Variants in DNAH9 observed in about 807,000 individuals in gnomAD.
DNAH9 encodes the protein DNAH9 variant protein.
Under a neutral mutation model 471.6 loss-of-function variants are expected in DNAH9, and 345 were observed. The observed-to-expected ratio is 0.73, with a 90% CI of 0.67 to 0.80. DNAH9 has a LOEUF of 0.80. Among genes scored for constraint, DNAH9 ranks in the 30% least tolerant of loss-of-function variants. The pLI is 0.00. For missense variants in DNAH9, 5,407 were observed against 5,609.2 expected, an observed-to-expected ratio of 0.96 and a Z score of 1.15; for synonymous variants, 2,093 against 2,123.6, an observed-to-expected ratio of 0.99 and a Z score of 0.40.
At chr17:11,891,685 G>T in intron 57 of DNAH9, 92 bp from the exon 58 acceptor site, 1 of 1,455,172 alleles carries the variant, frequency 6.9e-7, no homozygotes, top group East Asian at 2.3e-5. Context: ...ATTTCTATGG[G>T]CTGGAAAACT....
intron 43 of DNAH9, among the ~76,000 whole-genome samples, chr17:11,805,055 A>G (rs1969616320): frequency 6.7e-6 from 1 of 149,202 alleles, no homozygotes; most frequent in Admixed American, 6.7e-5. Flanking sequence ...CTCTGTCTCA[A>G]AAAAAAAAAA....
intron 49 of DNAH9, among the ~76,000 whole-genome samples, chr17:11,835,702 C>T (rs1970827999): frequency 6.6e-6 from 1 of 152,172 alleles, no homozygotes; most frequent in Non-Finnish European, 1.5e-5. Flanking sequence ...TTTGGAGATC[C>T]TCTGCCAGTC....
rs1287689311 is a variant in DNAH9, at chr17:11,605,816, A to G, written c.418-2313A>G. 4.6e-5 allele frequency among the ~76,000 whole-genome samples: 7 copies of G among 151,936 alleles called. No individual in the cohort carries two copies. The East Asian group carries it at 1.2e-3, about 25-fold the overall frequency. On this transcript the variant is annotated intron_variant, in intron 1 of 68. Coordinates refer to ENST00000262442, the MANE Select transcript of DNAH9 (RefSeq NM_001372.4). ...CGCACCTGGCTATGAGTTGCTTTTC[A>G]CTTCATAGAGAGTTCACATTCGTTA...
At chr17:11,874,377 C>T (rs866688748) in intron 52 of DNAH9, among the ~76,000 whole-genome samples, 14 of 152,266 alleles carry the variant, frequency 9.2e-5, no homozygotes, top group South Asian at 2.1e-4. Context: ...GATAAATACT[C>T]GGCAGCTTCC....
Position 11,744,979 on chromosome 17 carries a change from T to G in DNAH9, c.6294T>G (p.Phe2098Leu). Residue 2098 changes from phenylalanine (F) to leucine (L), a missense_variant, in exon 31 of 69, where the codon TTT becomes TTG. Phe to Leu is a conservative substitution (Grantham distance 22). This residue lies in a region of DNAH9 where 4,636 missense variants were observed against 4,900.3 expected (regional missense o/e 0.95). Coordinates refer to ENST00000262442, the MANE Select transcript of DNAH9 (RefSeq NM_001372.4). ...TCATGGGCCTGATCGGGGACCTCTTTCCCGCCCTGGATGTCCCCCGGAGGA... is the reference window on the plus strand; with the variant it reads ...TCATGGGCCTGATCGGGGACCTCTTGCCCGCCCTGGATGTCCCCCGGAGGA... ...PIFMGLIGDL[F>L]PALDVPRRRD... 2 of 1,614,108 alleles carry G rather than the reference T, an allele frequency of 1.2e-6. No homozygotes were observed. The highest frequency in any genetic ancestry group is 1.7e-6 in the Non-Finnish European group (2 of 1,179,986).
rs192115247 is a variant in DNAH9, at chr17:11,604,290, G to A, written c.418-3839G>A. On this transcript the variant is annotated intron_variant, in intron 1 of 68. Coordinates refer to ENST00000262442, the MANE Select transcript of DNAH9 (RefSeq NM_001372.4). ...GCCCACCTTGGCTTCACAAAGTGTTGGGATTACAGGTGTGAGCCGCCGCGC... is the reference window on the plus strand; with the variant it reads ...GCCCACCTTGGCTTCACAAAGTGTTAGGATTACAGGTGTGAGCCGCCGCGC... Among the ~76,000 whole-genome samples, 4 of 152,156 alleles carry A rather than the reference G, an allele frequency of 2.6e-5. No individual in the cohort carries two copies. In the East Asian group the frequency reaches 7.8e-4, roughly 29 times the overall value.
At chr17:11,777,990 T>C (rs922992037) in intron 38 of DNAH9, among the ~76,000 whole-genome samples, 1 of 152,048 alleles carries the variant, frequency 6.6e-6, no homozygotes, top group Admixed American at 6.6e-5. Flanking sequence ...TAACAAGTGA[T>C]GTAAAGAGAC....
At chr17:11,603,042 T>C (rs1256599746) in intron 1 of DNAH9, among the ~76,000 whole-genome samples, 2 of 152,196 alleles carry the variant, frequency 1.3e-5, no homozygotes, top group Non-Finnish European at 2.9e-5. Context: ...GCTCCTGATG[T>C]ACTGGCCTCT....
intron 11 of DNAH9, among the ~76,000 whole-genome samples, chr17:11,645,143 T>C (rs2073356340): frequency 6.6e-6 from 1 of 152,258 alleles, no homozygotes; most frequent in African/African-American, 2.4e-5. Flanking sequence ...GCTTTAAAGC[T>C]GAATAAGTCT....
intron 39 of DNAH9, 38 bp downstream of exon 39, chr17:11,781,212 C>T (rs758907918): frequency 6.3e-7 from 1 of 1,596,894 alleles, no homozygotes; most frequent in East Asian, 2.2e-5. Flanking sequence ...CCCAAGGGAG[C>T]AGAGCCTAAG....
At chr17:11,624,664 C>T (rs2072938748) in intron 6 of DNAH9, among the ~76,000 whole-genome samples, 1 of 152,160 alleles carries the variant, frequency 6.6e-6, no homozygotes, top group African/African-American at 2.4e-5. Context: ...GTTCCAAGTA[C>T]TGTCTTTGCA....
At chr17:11,883,829 G>A in intron 56 of DNAH9, 79 bp downstream of exon 56, 1 of 1,458,048 alleles carries the variant, frequency 6.9e-7, no homozygotes, top group Non-Finnish European at 9.2e-7. Flanking sequence ...TAGACAATGA[G>A]TCTGACTTTT....
At position 11,740,893 on chromosome 17, in the gene DNAH9, T is replaced by C. The variant is rs965661583; in HGVS notation, c.5973-1282T>C. Among the ~76,000 whole-genome samples, 8 of 152,146 alleles carry C rather than the reference T, an allele frequency of 5.3e-5. No individual in the cohort carries two copies. In the South Asian group the frequency reaches 6.2e-4, roughly 12 times the overall value. The stretch of plus-strand genomic sequence containing the variant: ...CAGTGTAACCATTTGGCATTTTTTT[T>C]CCCAATACTGCAACAGTAGCGCATT... On this transcript the variant is annotated intron_variant, in intron 29 of 68. Coordinates refer to ENST00000262442, the MANE Select transcript of DNAH9 (RefSeq NM_001372.4).
intron 19 of DNAH9, 53 bp from the exon 20 acceptor site, chr17:11,689,513 G>A: frequency 6.7e-7 from 1 of 1,491,430 alleles, no homozygotes; most frequent in Non-Finnish European, 9.1e-7. Flanking sequence ...AGAGATGCTA[G>A]GAGATGGGCC....
At chr17:11,913,132 C>T (rs1350977115) in intron 61 of DNAH9, among the ~76,000 whole-genome samples, 3 of 152,172 alleles carry the variant, frequency 2.0e-5, no homozygotes, top group African/African-American at 7.2e-5. Flanking sequence ...TACACCACTG[C>T]ACTCCAGCCT....
chr17:11,618,786 G>A (rs1180494892), intron 5 of DNAH9, among the ~76,000 whole-genome samples: 1 of 152,058 alleles, frequency 6.6e-6, no homozygotes, highest in Non-Finnish European at 1.5e-5. Context: ...CTGCAAGGTG[G>A]GCAGGGAAGG....
At chr17:11,868,029 T>A (rs1972120476) in intron 50 of DNAH9, among the ~76,000 whole-genome samples, 1 of 152,232 alleles carries the variant, frequency 6.6e-6, no homozygotes, top group Admixed American at 6.5e-5. Context: ...CTCTAAGTTG[T>A]CACGTCCTCT....
chr17:11,873,141 A>G (rs144347111), intron 52 of DNAH9, among the ~76,000 whole-genome samples: 13 of 152,346 alleles, frequency 8.5e-5, no homozygotes, highest in Admixed American at 3.3e-4. Flanking sequence ...AACAAAAAAT[A>G]AAGCAGCTGT....
At chr17:11,955,636 T>C (rs1023832767) in intron 67 of DNAH9, among the ~76,000 whole-genome samples, 13 of 152,202 alleles carry the variant, frequency 8.5e-5, no homozygotes, top group African/African-American at 3.1e-4. Flanking sequence ...GGTGCTGTAG[T>C]AAGAATACAC....
Sources: allele counts gnomAD v4.1 joint callset (sites outside exome capture counted in the v4.1 genomes callset), GRCh38; gene constraint gnomAD v4.1.1; regional missense constraint gnomAD v4.1.1; transcripts MANE v1.5; gene names NCBI Gene and HGNC (gene_info 2026-07-23, HGNC 2026-07-21).